Variants in SDR42E2 observed in about 807,000 individuals in gnomAD.
The protein encoded by SDR42E2 is short chain dehydrogenase/reductase family 42E, member 2.
A neutral mutation model predicts 10.5 loss-of-function variants in SDR42E2; 20 were observed. The observed-to-expected ratio is 1.90, with a 90% CI of 1.34 to 2.77. The LOEUF is 2.77. SDR42E2 is among the 30% of genes most tolerant of loss of function. The pLI is 0.00. For synonymous variants in SDR42E2, 72 were observed against 39.2 expected (o/e 1.84, Z -3.12); for missense variants, 162 against 104.2 (o/e 1.55, Z -2.42).
chr16:22,186,142 T>TGA (rs1236335865), intron 11 of SDR42E2, among the ~76,000 whole-genome samples: 2 of 152,010 alleles, frequency 1.3e-5, no homozygotes, highest in African/African-American at 2.4e-5. Flanking sequence ...GGAGTAGAAG[T>TGA]GAGAGAGAGA....
intron 8 of SDR42E2, among the ~76,000 whole-genome samples, chr16:22,180,454 A>G (rs2142075302): frequency 6.6e-6 from 1 of 152,236 alleles, no homozygotes; most frequent in East Asian, 1.9e-4. Flanking sequence ...TAATCCCAGC[A>G]CTTTGGGAAG....
chr16:22,164,157 G>A (rs780897636), intron 1 of SDR42E2, among the ~76,000 whole-genome samples: 1 of 152,104 alleles, frequency 6.6e-6, no homozygotes. Context: ...AGTGGCTAAC[G>A]CCTGTAATCT....
rs956000755 is a variant in SDR42E2 at position 22,166,978 on chromosome 16, T to C, written c.315T>C (p.Tyr105=). The C allele has an allele frequency of 1.4e-6, 1 of 702,436 alleles. No homozygotes were observed. The highest frequency in any genetic ancestry group is 1.5e-5 in the South Asian group (1 of 67,552). 43.5% of individuals were successfully genotyped at this position (702,436 alleles called of 1,614,324 possible). A position where few individuals can be genotyped will look rare whatever the true frequency, so the allele number is the denominator to read the frequency against. ...GVDCVFHVAS[Y]GMSGAEKLQK... ...ACTGTGTCTTCCACGTGGCTTCCTA[T>C]GGAATGTCCGGGGCTGAGAAGGTGG... Residue 105 remains tyrosine, a synonymous_variant, in exon 4 of 13, where the codon TAT becomes TAC. Coordinates refer to ENST00000602312, the MANE Select transcript of SDR42E2 (RefSeq NM_001394319.2).
chr16:22,180,095 G>C (rs2046680216), intron 8 of SDR42E2, among the ~76,000 whole-genome samples: 2 of 152,244 alleles, frequency 1.3e-5, no homozygotes, highest in South Asian at 2.1e-4. Flanking sequence ...GAGGGGGTTT[G>C]GTAGGAGATG....
chr16:22,179,609 C>T (rs985188779), intron 8 of SDR42E2, among the ~76,000 whole-genome samples: 10 of 151,974 alleles, frequency 6.6e-5, no homozygotes, highest in South Asian at 2.1e-4. Context: ...GTCAGGAGTT[C>T]GAGACCAGCC....
chr16:22,188,660 G>T (rs978283970), intron 12 of SDR42E2, among the ~76,000 whole-genome samples: 4 of 152,234 alleles, frequency 2.6e-5, no homozygotes, highest in African/African-American at 9.6e-5. Flanking sequence ...TTGTGGTCAG[G>T]CAGGGACTTG....
At chr16:22,185,353 C>A (rs1278988595) in intron 11 of SDR42E2, among the ~76,000 whole-genome samples, 2 of 152,164 alleles carry the variant, frequency 1.3e-5, no homozygotes, top group Non-Finnish European at 2.9e-5. Context: ...CACCAGGGAA[C>A]ACATGCAGGG....
chr16:22,187,306 T>G (rs2046742910), intron 12 of SDR42E2, among the ~76,000 whole-genome samples: 1 of 152,148 alleles, frequency 6.6e-6, no homozygotes, highest in South Asian at 2.1e-4. Flanking sequence ...CAGGCTGGTT[T>G]CAAACTCCTG....
chr16:22,190,497 C>G lies in SDR42E2; in HGVS notation c.*104C>G. ...CCCTGCCCCGCCTTCTGGGTTTGAG[C>G]GCGCCTCCGCTCCGCCCCTTGAATC... On this transcript the variant is annotated 3_prime_UTR_variant, in exon 13 of 13. Transcript: ENST00000602312. The G allele has an allele frequency of 2.5e-6, 1 of 399,350 alleles. No individual in the cohort carries two copies. Among genetic ancestry groups the G allele is most frequent in the Non-Finnish European group, 4.4e-6 (1 of 226,362 alleles). 24.7% of individuals were successfully genotyped at this position (399,350 alleles called of 1,614,324 possible).
At chr16:22,178,269 C>T (rs1211789506) in intron 8 of SDR42E2, 57 bp downstream of exon 8, 10 of 689,908 alleles carry the variant, frequency 1.4e-5, no homozygotes, top group African/African-American at 1.4e-4. Flanking sequence ...CTGAGGTGTA[C>T]ACTGGTCGGG....
At chr16:22,178,729 G>A (rs1350528482) in intron 8 of SDR42E2, among the ~76,000 whole-genome samples, 1 of 152,204 alleles carries the variant, frequency 6.6e-6, no homozygotes, top group Non-Finnish European at 1.5e-5. Context: ...AACCCAGGAG[G>A]GCTCCCTGGA....
chr16:22,171,227 GT>G (rs200538204), intron 6 of SDR42E2, among the ~76,000 whole-genome samples: 2 of 151,108 alleles, frequency 1.3e-5, no homozygotes, highest in African/African-American at 2.4e-5. Flanking sequence ...CTTTGAGCCT[GT>G]TTTTTTTTCT....
intron 3 of SDR42E2, 73 bp from the exon 4 acceptor site, chr16:22,166,831 G>C: frequency 2.1e-6 from 1 of 477,454 alleles, no homozygotes; most frequent in Non-Finnish European, 3.8e-6. Flanking sequence ...CTGAGACCAG[G>C]CAAGGTGCAG....
chr16:22,189,392 T>G (rs1300106687), intron 12 of SDR42E2, among the ~76,000 whole-genome samples: 2 of 152,164 alleles, frequency 1.3e-5, no homozygotes, highest in African/African-American at 4.8e-5. Flanking sequence ...GGCAAGTCAC[T>G]CAACCTCTCT....
At chr16:22,183,973 C>T (rs1397748285) in intron 10 of SDR42E2, among the ~76,000 whole-genome samples, 1 of 151,792 alleles carries the variant, frequency 6.6e-6, no homozygotes. Context: ...CCCATGCTTT[C>T]AATTCCTCCT....
chr16:22,163,458 C>T (rs559318634), intron 1 of SDR42E2, among the ~76,000 whole-genome samples: 3 of 152,336 alleles, frequency 2.0e-5, no homozygotes, highest in East Asian at 3.9e-4. Flanking sequence ...GTAATCCCAG[C>T]ACTTTGGGAG....
chr16:22,168,463 G>A (rs1215177892), intron 4 of SDR42E2, among the ~76,000 whole-genome samples: 2 of 151,478 alleles, frequency 1.3e-5, no homozygotes, highest in African/African-American at 4.8e-5. Flanking sequence ...ATGGGGTTTT[G>A]CCATGTTGCT....
intron 10 of SDR42E2, among the ~76,000 whole-genome samples, chr16:22,183,980 T>C (rs557506500): frequency 6.6e-6 from 1 of 151,930 alleles, no homozygotes; most frequent in East Asian, 1.9e-4. Flanking sequence ...TTTCAATTCC[T>C]CCTTGGGTTT....
chr16:22,167,901 G>A (rs965835759), intron 4 of SDR42E2, among the ~76,000 whole-genome samples: 6 of 152,166 alleles, frequency 3.9e-5, no homozygotes, highest in African/African-American at 1.4e-4. Flanking sequence ...AGTCACACAT[G>A]CTTATATGCT....
Sources: gnomAD v4.1 joint callset for allele counts (sites outside exome capture counted in the v4.1 genomes callset) on GRCh38, gnomAD v4.1.1 for gene constraint, MANE v1.5 for transcripts, NCBI Gene and HGNC (gene_info 2026-07-23, HGNC 2026-07-21) for gene names.